Variants in PRKCA observed in about 807,000 individuals in gnomAD.
The protein encoded by PRKCA is protein kinase C alpha.
Under a neutral mutation model 87.0 loss-of-function variants are expected in PRKCA, and 27 were observed. The ratio of observed to expected loss-of-function variants is 0.31; its 90% CI spans 0.23 to 0.43. The LOEUF is 0.43. PRKCA is among the 20% of genes least tolerant of loss of function. PRKCA has a pLI of 1.00. For missense variants in PRKCA, 518 were observed against 852.3 expected, an observed-to-expected ratio of 0.61 and a Z score of 4.88; for synonymous variants, 329 against 311.1, an observed-to-expected ratio of 1.06 and a Z score of -0.61.
At chr17:66,558,641 C>T (rs1968578116) in intron 3 of PRKCA, among the ~76,000 whole-genome samples, 1 of 152,012 alleles carries the variant, frequency 6.6e-6, no homozygotes, top group Non-Finnish European at 1.5e-5. Context: ...AGAGTGAGAT[C>T]ATCATAAAGA....
Position 66,396,631 on chromosome 17 carries a change from C to CTTT in PRKCA, c.205+90516_205+90518dup, listed in dbSNP as rs10626483. ...GAATGTTCTGTCATTCATTCTCTCT[C>CTTT]TTTTTTTTTTTTTTCGTGACAGAGT... On this transcript the variant is annotated intron_variant, in intron 2 of 16. Coordinates refer to ENST00000413366, the MANE Select transcript of PRKCA (RefSeq NM_002737.3). Among the ~76,000 whole-genome samples the CTTT allele has an allele frequency of 3.2e-3, 443 of 137,170 alleles. 7 individuals are homozygous for CTTT. The highest frequency in any genetic ancestry group is 5.2e-3 in the African/African-American group (191 of 36,814). 90.0% of individuals were successfully genotyped at this position (137,170 alleles called of 152,430 possible). A position where few individuals can be genotyped will look rare whatever the true frequency, so the allele number is the denominator to read the frequency against.
intron 8 of PRKCA, among the ~76,000 whole-genome samples, chr17:66,729,131 A>C (rs1215982948): frequency 6.6e-6 from 1 of 152,116 alleles, no homozygotes; most frequent in African/African-American, 2.4e-5. Flanking sequence ...GACACAACCA[A>C]TTGGGTGCGG....
intron 2 of PRKCA, among the ~76,000 whole-genome samples, chr17:66,364,832 C>CGGTT (rs1331565249): frequency 1.3e-5 from 2 of 152,150 alleles, no homozygotes; most frequent in Admixed American, 1.3e-4. Flanking sequence ...TCTGCATAAC[C>CGGTT]CCATCTGATT....
Position 66,797,692 on chromosome 17 carries a change from T to A in PRKCA, c.1855-6181T>A, listed in dbSNP as rs146133392. 8.8e-3 allele frequency among the ~76,000 whole-genome samples: 1,336 copies of A among 152,274 alleles called. 17 individuals are homozygous for A. The highest frequency in any genetic ancestry group is 0.017 in the Middle Eastern group (5 of 294). On this transcript the variant is annotated intron_variant, in intron 16 of 16. Coordinates refer to ENST00000413366, the MANE Select transcript of PRKCA (RefSeq NM_002737.3). Reference sequence around the variant, plus strand: ...TTGGGGCTCTTGATCTCTGGCCACATCCTTCTCCCCTCTGTGTCCCCACTT... The same window carrying A: ...TTGGGGCTCTTGATCTCTGGCCACAACCTTCTCCCCTCTGTGTCCCCACTT...
chr17:66,638,617 G>A lies in PRKCA; in HGVS notation c.289-2738G>A, dbSNP rs147276434. ...TAGGCCAAATGCTTTGGGAGGCCAA[G>A]GCAGGTGGATCACGAGGTCAGGAGA... is the stretch of plus-strand genomic sequence containing the variant. On this transcript the variant is annotated intron_variant, in intron 3 of 16. Transcript: ENST00000413366. Among the ~76,000 whole-genome samples the A allele has an allele frequency of 3.4e-3, 521 of 152,256 alleles. 3 individuals are homozygous for A. The highest frequency in any genetic ancestry group is 0.011 in the Admixed American group (166 of 15,302).
chr17:66,438,695 C>T (rs578173167), intron 2 of PRKCA, among the ~76,000 whole-genome samples: 1 of 152,182 alleles, frequency 6.6e-6, no homozygotes, highest in East Asian at 1.9e-4. Flanking sequence ...GGGGAGGCCT[C>T]AGGAAACTCA....
intron 8 of PRKCA, among the ~76,000 whole-genome samples, chr17:66,725,810 GA>G (rs34462337): frequency 0.35 from 49,653 of 142,732 alleles, 8,738 homozygotes; most frequent in Middle Eastern, 0.42. Context: ...ACCCTGTCTA[GA>G]AAAAAAAAAA....
intron 3 of PRKCA, among the ~76,000 whole-genome samples, chr17:66,590,968 C>G (rs1253473332): frequency 6.6e-6 from 1 of 152,108 alleles, no homozygotes; most frequent in Admixed American, 6.5e-5. Context: ...ACTGGGGGAG[C>G]ACATGGGCTC....
intron 3 of PRKCA, among the ~76,000 whole-genome samples, chr17:66,620,375 G>A (rs530257784): frequency 3.3e-5 from 5 of 152,212 alleles, no homozygotes. Context: ...TCCACCTCTG[G>A]GTAGGCAGAA....
intron 3 of PRKCA, among the ~76,000 whole-genome samples, chr17:66,539,589 A>C (rs945356955): frequency 1.3e-5 from 2 of 151,942 alleles, no homozygotes; most frequent in Non-Finnish European, 2.9e-5. Context: ...TATTTTTAGT[A>C]GAGATGGGGT....
chr17:66,706,570 G>A (rs1457640187), intron 8 of PRKCA, among the ~76,000 whole-genome samples: 2 of 151,604 alleles, frequency 1.3e-5, no homozygotes, highest in Non-Finnish European at 2.9e-5. Context: ...CCCGGGAGGC[G>A]GAGCTTGCAG....
intron 3 of PRKCA, among the ~76,000 whole-genome samples, chr17:66,518,382 C>T (rs1016813397): frequency 6.6e-6 from 1 of 152,154 alleles, no homozygotes; most frequent in Non-Finnish European, 1.5e-5. Flanking sequence ...GAAGGGCCTC[C>T]TAAGAAACTC....
chr17:66,466,295 T>A (rs546060910), intron 2 of PRKCA, among the ~76,000 whole-genome samples: 1 of 152,302 alleles, frequency 6.6e-6, no homozygotes, highest in African/African-American at 2.4e-5. Flanking sequence ...AAGCATCTAA[T>A]GGGAACTGAG....
chr17:66,313,387 C>T (rs935404169), intron 2 of PRKCA, among the ~76,000 whole-genome samples: 1 of 152,136 alleles, frequency 6.6e-6, no homozygotes, highest in Admixed American at 6.5e-5. Context: ...AAAGAGGGAG[C>T]AGAAAATTCT....
chr17:66,532,202 C>G (rs1390681504), intron 3 of PRKCA, among the ~76,000 whole-genome samples: 3 of 151,668 alleles, frequency 2.0e-5, no homozygotes, highest in Admixed American at 6.6e-5. Flanking sequence ...TCTGTCCCCA[C>G]CATCTTTGCT....
chr17:66,383,589 T>TA (rs1909890909), intron 2 of PRKCA, among the ~76,000 whole-genome samples: 1 of 152,192 alleles, frequency 6.6e-6, no homozygotes, highest in South Asian at 2.1e-4. Flanking sequence ...TTTCTGTACT[T>TA]ACTGCGAAGA....
intron 3 of PRKCA, among the ~76,000 whole-genome samples, chr17:66,559,335 G>A (rs186308430): frequency 4.6e-5 from 7 of 151,932 alleles, no homozygotes; most frequent in Admixed American, 3.9e-4. Context: ...AATGAGCTGG[G>A]CGTGGTGGTG....
chr17:66,670,701 A>G (rs1370590976), intron 5 of PRKCA, among the ~76,000 whole-genome samples: 4 of 151,904 alleles, frequency 2.6e-5, no homozygotes, highest in Non-Finnish European at 5.9e-5. Flanking sequence ...CTCTACCCAA[A>G]AAAAACACAG....
chr17:66,667,297 T>C (rs1972067519), intron 5 of PRKCA, among the ~76,000 whole-genome samples: 1 of 152,196 alleles, frequency 6.6e-6, no homozygotes, highest in Admixed American at 6.5e-5. Context: ...GGCATATGTA[T>C]TCATCCGTTC....
Sources: allele counts gnomAD v4.1 joint callset (sites outside exome capture counted in the v4.1 genomes callset), GRCh38; gene constraint gnomAD v4.1.1; transcripts MANE v1.5; gene names NCBI Gene and HGNC (gene_info 2026-07-23, HGNC 2026-07-21).